The following PYY variants were observed in gnomAD, a reference collection of about 807,000 sequenced individuals.
The protein encoded by PYY is peptide YY.
PYY carries 12 observed loss-of-function variants against 10.3 expected under a neutral mutation model. The ratio of observed to expected loss-of-function variants is 1.17; its 90% CI spans 0.75 to 1.89. The LOEUF is 1.89. Ranked by LOEUF, PYY falls within the 40% of genes most tolerant of loss-of-function variation. The probability of loss-of-function intolerance (pLI) is 0.00; values close to 1 mark genes in which losing one functional copy is unlikely to be tolerated. For missense variants in PYY, 141 were observed against 134.0 expected, an observed-to-expected ratio of 1.05 and a Z score of -0.26; for synonymous variants, 66 against 62.0, an observed-to-expected ratio of 1.06 and a Z score of -0.30.
intron 1 of PYY, among the ~76,000 whole-genome samples, chr17:43,978,577 C>G (rs1443820574): frequency 2.6e-5 from 4 of 152,168 alleles, no homozygotes; most frequent in African/African-American, 9.7e-5. Context: ...TTGCCAGCCT[C>G]TCTCCCAGAT....
At chr17:43,976,921 C>T (rs76948378) in intron 1 of PYY, among the ~76,000 whole-genome samples, 2 of 152,170 alleles carry the variant, frequency 1.3e-5, no homozygotes, top group African/African-American at 2.4e-5. Flanking sequence ...GGGACCATCA[C>T]TCCACCTCAC....
intron 1 of PYY, among the ~76,000 whole-genome samples, chr17:43,993,601 G>A (rs2048972059): frequency 6.6e-6 from 1 of 151,840 alleles, no homozygotes; most frequent in Non-Finnish European, 1.5e-5. Flanking sequence ...ACTCCAGCCT[G>A]GGCAACAGAG....
intron 2 of PYY, among the ~76,000 whole-genome samples, chr17:43,963,623 A>AAAGAAAGAAAGG: frequency 2.7e-5 from 2 of 73,484 alleles, no homozygotes; most frequent in African/African-American, 7.4e-5. Context: ...AGAAAGAAAG[A>AAAGAAAGAAAGG]AAGAGAAAGA....
rs1454588898 is a variant in PYY, at chr17:43,953,445, T to C, written c.39A>G (p.Thr13=). The change falls in exon 2 of 4, where the codon ACA becomes ACG. Residue 13 remains threonine, a synonymous_variant. Transcript: ENST00000692052. ...FVRRPWPALT[T]VLLALLVCLG... ...GGCAGACGAGCAGGGCCAGAAGCACTGTGGTCAAGGCGGGCCACGGCCTGC... is the reference window on the plus strand; with the variant it reads ...GGCAGACGAGCAGGGCCAGAAGCACCGTGGTCAAGGCGGGCCACGGCCTGC... The C allele has an allele frequency of 6.2e-7, 1 of 1,611,370 alleles. No homozygotes were observed. The highest frequency in any genetic ancestry group is 1.3e-5 in the African/African-American group (1 of 74,794).
intron 1 of PYY, among the ~76,000 whole-genome samples, chr17:43,976,154 T>G (rs541076812): frequency 7.5e-6 from 1 of 132,902 alleles, no homozygotes. Flanking sequence ...TATATACATA[T>G]GTATACATGC....
intron 2 of PYY, among the ~76,000 whole-genome samples, chr17:43,965,877 T>A (rs1275086965): frequency 1.4e-5 from 2 of 137,952 alleles, no homozygotes; most frequent in African/African-American, 5.5e-5. Context: ...AAACAAAAAA[T>A]GATTTTTTCC....
rs868041843 is a variant in PYY at position 43,984,394 on chromosome 17, A to G, written c.-462-17862T>C. ...GAATTCCTAAACACAGCTACCATCG[A>G]CACCACCCATAATAACCAATAATTA... On this transcript the variant is annotated intron_variant, in intron 1 of 6. Transcript: ENST00000360085. Among the ~76,000 whole-genome samples, 5 of 152,210 alleles carry G rather than the reference A, an allele frequency of 3.3e-5. 1 individual carries two copies. The South Asian group carries it at 1.0e-3, about 31-fold the overall frequency.
chr17:43,981,786 C>T (rs780459801), intron 1 of PYY, among the ~76,000 whole-genome samples: 1 of 152,138 alleles, frequency 6.6e-6, no homozygotes, highest in Non-Finnish European at 1.5e-5. Flanking sequence ...CCATGCTGGG[C>T]CCTTTTCATG....
intron 1 of PYY, among the ~76,000 whole-genome samples, chr17:43,983,802 G>A (rs1326681624): frequency 2.6e-5 from 4 of 152,212 alleles, no homozygotes; most frequent in African/African-American, 9.6e-5. Flanking sequence ...GACCCCGCGC[G>A]AGTCTGCTTG....
upstream of PYY, chr17:43,957,913 C>T (rs1294158467): frequency 6.5e-6 from 1 of 154,476 alleles, no homozygotes; most frequent in African/African-American, 2.4e-5. Flanking sequence ...ATGGTAGGAG[C>T]TCTCCTAGGA....
chr17:43,984,828 C>A (rs1395516278), intron 1 of PYY, among the ~76,000 whole-genome samples: 1 of 152,228 alleles, frequency 6.6e-6, no homozygotes, highest in Non-Finnish European at 1.5e-5. Context: ...TACACCAGGG[C>A]TTGAGCGGCT....
At chr17:43,976,507 C>T (rs571067441) in intron 1 of PYY, among the ~76,000 whole-genome samples, 2 of 152,002 alleles carry the variant, frequency 1.3e-5, no homozygotes, top group South Asian at 4.1e-4. Flanking sequence ...TGTGGTGGCT[C>T]ACGTCTGTAA....
intron 1 of PYY, among the ~76,000 whole-genome samples, chr17:43,994,461 G>C (rs892193052): frequency 4.6e-5 from 7 of 152,136 alleles, no homozygotes; most frequent in Non-Finnish European, 5.9e-5. Context: ...CGCAGCCACC[G>C]TGTAAGGTAG....
chr17:43,969,713 G>A (rs2048776912), intron 1 of PYY, among the ~76,000 whole-genome samples: 1 of 150,780 alleles, frequency 6.6e-6, no homozygotes, highest in Non-Finnish European at 1.5e-5. Context: ...AGACCAGCCT[G>A]GGCAACATAG....
rs998373908 is a variant in PYY, at chr17:43,987,487, C to T, written c.-463+16904G>A. On this transcript the variant is annotated intron_variant, in intron 1 of 6. Coordinates refer to the PYY transcript ENST00000360085. This position sits in a 1 kb window ranked among gnomAD's most constrained non-coding sequence, Gnocchi z 4.0. ...TCCCTGCTACTGATGGAATTCAGCT[C>T]GAAGATCAGACCTTGAGAGGTCGAC... Among the ~76,000 whole-genome samples the T allele has an allele frequency of 6.6e-6, 1 of 152,212 alleles. No individual in the cohort carries two copies. The highest frequency in any genetic ancestry group is 2.4e-5 in the African/African-American group (1 of 41,446).
At chr17:43,976,203 A>G (rs1255073654) in intron 1 of PYY, among the ~76,000 whole-genome samples, 5 of 145,306 alleles carry the variant, frequency 3.4e-5, no homozygotes, top group Admixed American at 6.8e-5. Context: ...ATACATATAT[A>G]CATATACGTA....
chr17:43,976,097 A>G (rs111064180), intron 1 of PYY, among the ~76,000 whole-genome samples: 15,075 of 23,528 alleles, frequency 0.64, 5,847 homozygotes, highest in East Asian at 1. Flanking sequence ...ATGAATATGC[A>G]TATATACGTG....
intron 1 of PYY, among the ~76,000 whole-genome samples, chr17:43,981,168 G>A (rs4793060): frequency 0.034 from 5,237 of 152,090 alleles, 136 homozygotes; most frequent in Middle Eastern, 0.051. Flanking sequence ...ATGCCTGGCC[G>A]AGCAGAACAT....
chr17:43,996,010 T>TTA (rs763442700), intron 1 of PYY, among the ~76,000 whole-genome samples: 71 of 151,230 alleles, frequency 4.7e-4, no homozygotes, highest in African/African-American at 1.2e-3. Context: ...AAGAAAAAAA[T>TTA]TATATATATA....
Sources: allele counts gnomAD v4.1 joint callset (sites outside exome capture counted in the v4.1 genomes callset), GRCh38; gene constraint gnomAD v4.1.1; non-coding constraint Gnocchi (gnomAD v3.1); transcripts MANE v1.5; gene names NCBI Gene and HGNC (gene_info 2026-07-23, HGNC 2026-07-21).